The following ABL1 variants were observed in gnomAD, a reference collection of about 807,000 sequenced individuals.
ABL1 encodes tyrosine-protein kinase ABL1.
A neutral mutation model predicts 94.7 loss-of-function variants in ABL1; 11 were observed. That is an observed-to-expected ratio of 0.12 (90% CI 0.07 to 0.19). The LOEUF is 0.19. Ranked by LOEUF, ABL1 falls within the 10% of genes least tolerant of loss-of-function variation. The pLI is 1.00. For missense variants in ABL1, 1,082 were observed against 1,489.4 expected (o/e 0.73, Z 4.50); for synonymous variants, 656 against 622.4 (o/e 1.05, Z -0.80).
At chr9:130,729,355 C>T (rs945903223) in intron 1 of ABL1, among the ~76,000 whole-genome samples, 3 of 152,188 alleles carry the variant, frequency 2.0e-5, no homozygotes, top group Admixed American at 2.0e-4. Flanking sequence ...CTTCTTCTGC[C>T]TACCTCTGTG....
chr9:130,730,747 T>C (rs774252976), intron 1 of ABL1, among the ~76,000 whole-genome samples: 12 of 151,698 alleles, frequency 7.9e-5, no homozygotes, highest in Non-Finnish European at 1.6e-4. Flanking sequence ...AATTTTGGCA[T>C]TTTTTGTAGA....
In ABL1 at chr9:130,754,959, A is replaced by G. The variant is rs541149468; in HGVS notation, c.136+40504A>G. 2.6e-5 allele frequency among the ~76,000 whole-genome samples: 4 copies of G among 152,292 alleles called. No homozygotes were observed. The South Asian group carries it at 6.2e-4, about 24-fold the overall frequency. On this transcript the variant is annotated intron_variant, in intron 1 of 10. Coordinates refer to the ABL1 transcript ENST00000372348. Reference sequence around the variant, plus strand: ...AGTACGTGGAGTAAGGCAGGAAAGCATGTTTGGGCTTCCTCAAAGATGACC... The same window carrying G: ...AGTACGTGGAGTAAGGCAGGAAAGCGTGTTTGGGCTTCCTCAAAGATGACC...
chr9:130,778,780 G>A (rs887457578), intron 1 of ABL1, among the ~76,000 whole-genome samples: 1 of 151,760 alleles, frequency 6.6e-6, no homozygotes, highest in African/African-American at 2.4e-5. Flanking sequence ...CAGGCAGGAG[G>A]GGGATGAGTG....
At chr9:130,803,212 G>A (rs1830080006) in intron 1 of ABL1, among the ~76,000 whole-genome samples, 1 of 152,038 alleles carries the variant, frequency 6.6e-6, no homozygotes, top group African/African-American at 2.4e-5. Context: ...GCTAATTTTT[G>A]TATTCTTAGT....
intron 1 of ABL1, among the ~76,000 whole-genome samples, chr9:130,798,926 GTGCCAC>G (rs1830016954): frequency 7.0e-6 from 1 of 142,254 alleles, no homozygotes; most frequent in African/African-American, 2.7e-5. Flanking sequence ...AGCTAAGATC[GTGCCAC>G]TGCACTCCAG....
At chr9:130,763,661 G>A (rs35327643) in intron 1 of ABL1, among the ~76,000 whole-genome samples, 188 of 152,286 alleles carry the variant, frequency 1.2e-3, no homozygotes, top group African/African-American at 4.5e-3. Context: ...CTTGCCACAC[G>A]GACCTCTCCA....
chr9:130,865,783 G>A (rs1006590441), intron 4 of ABL1, among the ~76,000 whole-genome samples: 2 of 149,728 alleles, frequency 1.3e-5, no homozygotes, highest in African/African-American at 4.9e-5. Context: ...AAATCCTTGA[G>A]TGGATTCTAA....
In ABL1 at chr9:130,862,638, G is replaced by A; in HGVS notation, c.550-125G>A. 1 of 1,038,180 alleles carries A rather than the reference G, an allele frequency of 9.6e-7. No homozygotes were observed. 64.3% of individuals were successfully genotyped at this position (1,038,180 alleles called of 1,614,324 possible). On this transcript the variant is annotated intron_variant, in intron 3 of 10. Transcript: ENST00000318560. The surrounding 1 kb of genome is among the most constrained non-coding windows in gnomAD (Gnocchi z 5.5). ...AGTGATCTTCTAAACACTCTGTCCT[G>A]TGTGGAGAGCTCCTTATGTGAGATT...
intron 1 of ABL1, among the ~76,000 whole-genome samples, chr9:130,745,123 T>G (rs1194017121): frequency 6.6e-6 from 1 of 151,116 alleles, no homozygotes; most frequent in African/African-American, 2.4e-5. Context: ...TTGCTCTTGT[T>G]GCCCAGGCTG....
chr9:130,800,245 A>G (rs189346456), intron 1 of ABL1, among the ~76,000 whole-genome samples: 1 of 147,856 alleles, frequency 6.8e-6, no homozygotes, highest in Non-Finnish European at 1.5e-5. Context: ...AAGTACTTTT[A>G]AAAAAATTAA....
At chr9:130,749,481 G>A (rs908996040) in intron 1 of ABL1, among the ~76,000 whole-genome samples, 6 of 152,208 alleles carry the variant, frequency 3.9e-5, no homozygotes, top group Admixed American at 3.9e-4. Context: ...AAGATGATAG[G>A]GCTAAAGCCT....
At position 130,885,030 on chromosome 9, in the gene ABL1, C is replaced by T. The variant is rs753769452; in HGVS notation, c.2740C>T (p.Pro914Ser). The T allele has an allele frequency of 1.2e-6, 2 of 1,611,042 alleles. No homozygotes were observed. The highest frequency in any genetic ancestry group is 1.7e-6 in the Non-Finnish European group (2 of 1,179,246). The change falls in exon 11 of 11, where the codon CCC becomes TCC. Residue 914 changes from proline (P) to serine (S), a missense_variant. This residue lies in a region of ABL1 where 780 missense variants were observed against 835.8 expected (regional missense o/e 0.93). Transcript: ENST00000318560. ...AASAGKAGGK[P>S]SQSPSQEAAG... is the part of the protein sequence containing the mutation. ...CTCTGCAGGGAAGGCTGGAGGAAAG[C>T]CCTCGCAGAGCCCGAGCCAGGAGGC...
chr9:130,748,489 T>A (rs1352683072), intron 1 of ABL1, among the ~76,000 whole-genome samples: 1 of 152,074 alleles, frequency 6.6e-6, no homozygotes, highest in East Asian at 1.9e-4. Context: ...CTTGGCTTAC[T>A]GCAGTCTCCA....
At chr9:130,716,622 A>G (rs1831444704) in intron 1 of ABL1, among the ~76,000 whole-genome samples, 1 of 152,178 alleles carries the variant, frequency 6.6e-6, no homozygotes, top group Admixed American at 6.6e-5. Flanking sequence ...TTTACTTGAA[A>G]CTATGACAAA....
At chr9:130,844,844 A>G (rs1830738322) in intron 1 of ABL1, among the ~76,000 whole-genome samples, 1 of 152,234 alleles carries the variant, frequency 6.6e-6, no homozygotes. Flanking sequence ...TACCAGAGAC[A>G]GTCACAGGCA....
intron 1 of ABL1, among the ~76,000 whole-genome samples, chr9:130,801,235 C>A (rs1830050851): frequency 6.7e-6 from 1 of 148,286 alleles, no homozygotes; most frequent in Admixed American, 6.7e-5. Flanking sequence ...GGCCCTTTTT[C>A]CTTTCTTTTT....
intron 1 of ABL1, among the ~76,000 whole-genome samples, chr9:130,793,208 G>A (rs1829931893): frequency 6.6e-6 from 1 of 152,230 alleles, no homozygotes; most frequent in South Asian, 2.1e-4. Context: ...TTATAGGCAT[G>A]AGCCACCGCG....
At chr9:130,849,765 C>T (rs1830828327) in intron 1 of ABL1, among the ~76,000 whole-genome samples, 1 of 152,166 alleles carries the variant, frequency 6.6e-6, no homozygotes, top group African/African-American at 2.4e-5. Context: ...TGATTGCCCG[C>T]CTTGGCCTCC....
At position 130,837,819 on chromosome 9, in the gene ABL1, C is replaced by T. The variant is rs187548975; in HGVS notation, c.79+2294C>T. On this transcript the variant is annotated intron_variant, in intron 1 of 10. Transcript: ENST00000318560. ...AATCCAGGCTTTCCACTTTCACTGA[C>T]AGCCTAAATCAGTCAATCAGTGTCG... 7.2e-5 allele frequency among the ~76,000 whole-genome samples: 11 copies of T among 152,324 alleles called. No individual in the cohort carries two copies. In the East Asian group the frequency reaches 2.1e-3, roughly 29 times the overall value.
Sources: gnomAD v4.1 joint callset for allele counts (sites outside exome capture counted in the v4.1 genomes callset) on GRCh38, gnomAD v4.1.1 for gene constraint, gnomAD v4.1.1 regional missense constraint, Gnocchi (gnomAD v3.1) non-coding constraint, MANE v1.5 for transcripts, NCBI Gene and HGNC (gene_info 2026-07-23, HGNC 2026-07-21) for gene names.